Variants in PCDHGA12 observed in about 807,000 individuals in gnomAD.
PCDHGA12 encodes protocadherin gamma-A12.
Under a neutral mutation model 61.1 loss-of-function variants are expected in PCDHGA12, and 43 were observed. That is an observed-to-expected ratio of 0.70 (90% CI 0.55 to 0.91). The LOEUF (loss-of-function observed/expected upper bound fraction) is 0.91, where lower values mean the gene tolerates loss of function less well. Among genes scored for constraint, PCDHGA12 ranks in the 40% least tolerant of loss-of-function variants. The pLI is 0.00. For missense variants in PCDHGA12, 1,236 were observed against 1,227.7 expected, an observed-to-expected ratio of 1.01 and a Z score of -0.10; for synonymous variants, 520 against 542.9, an observed-to-expected ratio of 0.96 and a Z score of 0.59.
chr5:141,444,406 G>A (rs1296878411), intron 1 of PCDHGA12, among the ~76,000 whole-genome samples: 1 of 151,874 alleles, frequency 6.6e-6, no homozygotes, highest in Non-Finnish European at 1.5e-5. Context: ...CCCAACCTCA[G>A]GTGATCTTCC....
rs777115265 is a variant in PCDHGA12, at chr5:141,485,247, G to C, written c.2425-9560G>C. ...CTTTTGTTCCTCTTTTACCACCTGG[G>C]TTACGTTTGTGGGCAGATCCGCTAC... On this transcript the variant is annotated intron_variant, in intron 1 of 3. Coordinates refer to ENST00000252085, the MANE Select transcript of PCDHGA12 (RefSeq NM_003735.3). This position sits in a 1 kb window ranked among gnomAD's most constrained non-coding sequence, Gnocchi z 5.7. 8.7e-6 allele frequency: 14 copies of C among 1,614,156 alleles called. No homozygotes were observed. In the African/African-American group the frequency reaches 1.6e-4, roughly 18 times the overall value.
chr5:141,477,819 T>C lies in PCDHGA12; in HGVS notation c.2425-16988T>C. 1.9e-6 allele frequency: 3 copies of C among 1,614,138 alleles called. No individual in the cohort carries two copies. The highest frequency in any genetic ancestry group is 2.5e-6 in the Non-Finnish European group (3 of 1,180,030). On this transcript the variant is annotated intron_variant, in intron 1 of 3. Transcript: ENST00000252085. The surrounding 1 kb of genome is among the most constrained non-coding windows in gnomAD (Gnocchi z 4.9). ...CGCAATGACAATGCCCCCCAGGTCC[T>C]ATATCCTCGGCCAGGTGGGAGCTCG...
At position 141,478,208 on chromosome 5, in the gene PCDHGA12, C is replaced by G. The variant is rs200735608; in HGVS notation, c.2425-16599C>G. The G allele has an allele frequency of 2.5e-6, 4 of 1,614,096 alleles. No individual in the cohort carries two copies. The East Asian group carries it at 8.9e-5, about 36-fold the overall frequency. ...TCTCACCTTTTATCTACTTCTTTCTCTAATCCTGGTTTCTGTGGGGTTTGT... is the reference window on the plus strand; with the variant it reads ...TCTCACCTTTTATCTACTTCTTTCTGTAATCCTGGTTTCTGTGGGGTTTGT... On this transcript the variant is annotated intron_variant, in intron 1 of 3. Coordinates refer to ENST00000252085, the MANE Select transcript of PCDHGA12 (RefSeq NM_003735.3).
Position 141,489,784 on chromosome 5 carries a change from G to A in PCDHGA12, c.2425-5023G>A. 1 of 1,614,218 alleles carries A rather than the reference G, an allele frequency of 6.2e-7. No individual in the cohort carries two copies. Among genetic ancestry groups the A allele is most frequent in the Non-Finnish European group, 8.5e-7 (1 of 1,180,010 alleles). On this transcript the variant is annotated intron_variant, in intron 1 of 3. Transcript: ENST00000252085. This position sits in a 1 kb window ranked among gnomAD's most constrained non-coding sequence, Gnocchi z 4.5. ...CCCCAACAGCCACTTCTCTCTGAAT[G>A]TGAAGACCCTAAAAGATGGGAAGCC...
Position 141,476,017 on chromosome 5 carries a change from G to C in PCDHGA12, c.2425-18790G>C. The C allele has an allele frequency of 1.5e-6, 2 of 1,369,942 alleles. No individual in the cohort carries two copies. The highest frequency in any genetic ancestry group is 2.0e-6 in the Non-Finnish European group (2 of 1,015,658). The allele number at this position is 1,369,942 out of a possible 1,614,324, so 84.9% of individuals were successfully genotyped here. A position where few individuals can be genotyped will look rare whatever the true frequency, so the allele number is the denominator to read the frequency against. On this transcript the variant is annotated intron_variant, in intron 1 of 3. Coordinates refer to ENST00000252085, the MANE Select transcript of PCDHGA12 (RefSeq NM_003735.3). This position sits in a 1 kb window ranked among gnomAD's most constrained non-coding sequence, Gnocchi z 7.6. ...CAACGGCATCCAGAAAGCCATGTCG[G>C]ACTCGGCGCCCAGCGCCCAAGCGCT...
chr5:141,459,843 T>C (rs1328781794), intron 1 of PCDHGA12, among the ~76,000 whole-genome samples: 1 of 152,228 alleles, frequency 6.6e-6, no homozygotes, highest in African/African-American at 2.4e-5. Context: ...TGTCTATTTG[T>C]ATATCTTCTT....
At chr5:141,478,720 G>T (rs2154576937) in intron 1 of PCDHGA12, 1 of 1,543,694 alleles carries the variant, frequency 6.5e-7, no homozygotes, top group Admixed American at 2.0e-5. Context: ...ATGGTGGCCT[G>T]CCAGAGTGTG....
chr5:141,450,823 A>ATT (rs1453980247), intron 1 of PCDHGA12, among the ~76,000 whole-genome samples: 2 of 133,076 alleles, frequency 1.5e-5, no homozygotes, highest in East Asian at 2.2e-4. Flanking sequence ...TAATATTATT[A>ATT]TTATTATTTT....
At position 141,430,632 on chromosome 5, in the gene PCDHGA12, C is replaced by T; in HGVS notation, c.-128C>T. 1 of 852,604 alleles carries T rather than the reference C, an allele frequency of 1.2e-6. No individual in the cohort carries two copies. Among genetic ancestry groups the T allele is most frequent in the Non-Finnish European group, 1.7e-6 (1 of 577,572 alleles). The allele number at this position is 852,604 out of a possible 1,614,324, so 52.8% of individuals were successfully genotyped here. ...AAGCAGATAGCTAGGAATGAACCAT[C>T]CCTGGGAGTATGTGGAAACAACGGA... On this transcript the variant is annotated 5_prime_UTR_variant, in exon 1 of 4. Transcript: ENST00000252085.
At chr5:141,495,274 G>A (rs1396412578) in intron 2 of PCDHGA12, among the ~76,000 whole-genome samples, 1 of 152,190 alleles carries the variant, frequency 6.6e-6, no homozygotes, top group Non-Finnish European at 1.5e-5. Context: ...TTGACCGGAG[G>A]AGGCGGTCCG....
intron 1 of PCDHGA12, among the ~76,000 whole-genome samples, chr5:141,473,383 C>A (rs976400317): frequency 3.3e-5 from 5 of 152,200 alleles, no homozygotes; most frequent in African/African-American, 9.6e-5. Context: ...GGTCCCTGCC[C>A]TCCTGGAGCT....
At position 141,457,403 on chromosome 5, in the gene PCDHGA12, C is replaced by A. The variant is rs550748216; in HGVS notation, c.2424+24220C>A. On this transcript the variant is annotated intron_variant, in intron 1 of 3. Transcript: ENST00000252085. ...GAACTAGCATATTGATTCACATTTT[C>A]ACATTACCCATCCCTTTTTCCCCCC... Among the ~76,000 whole-genome samples, 4 of 152,328 alleles carry A rather than the reference C, an allele frequency of 2.6e-5. No homozygotes were observed. In the East Asian group the frequency reaches 7.7e-4, roughly 29 times the overall value.
At chr5:141,463,418 C>A (rs1442067485) in intron 1 of PCDHGA12, among the ~76,000 whole-genome samples, 3 of 138,240 alleles carry the variant, frequency 2.2e-5, no homozygotes, top group Admixed American at 7.4e-5. Context: ...TCCTAGTTTG[C>A]GGATCCTCAT....
chr5:141,494,996 C>A (rs2099758091), intron 2 of PCDHGA12, 131 bp downstream of exon 2: 2 of 1,539,742 alleles, frequency 1.3e-6, no homozygotes, highest in African/African-American at 1.4e-5. Context: ...CCAGGGAGGT[C>A]TTGGTGTGCG....
At chr5:141,445,046 G>A (rs181806844) in intron 1 of PCDHGA12, among the ~76,000 whole-genome samples, 1 of 152,248 alleles carries the variant, frequency 6.6e-6, no homozygotes, top group East Asian at 1.9e-4. Context: ...AGTTTTCAGT[G>A]TAGAGAGGTC....
chr5:141,469,112 A>T (rs1207790108), intron 1 of PCDHGA12, among the ~76,000 whole-genome samples: 1 of 151,698 alleles, frequency 6.6e-6, no homozygotes, highest in African/African-American at 2.4e-5. Flanking sequence ...ACCTGTCTCT[A>T]AAAAAATTTA....
chr5:141,496,621 C>A (rs1297797187), intron 2 of PCDHGA12, among the ~76,000 whole-genome samples: 1 of 152,214 alleles, frequency 6.6e-6, no homozygotes. Context: ...AGCAGCAGAT[C>A]AAAAGGCTTG....
Position 141,431,431 on chromosome 5 carries a change from C to T in PCDHGA12, c.672C>T (p.Gly224=), listed in dbSNP as rs776557037. ...ASDGGDPVRT[G]TARIRVMVLD... ...ACGGGGGCGACCCGGTGCGCACAGG[C>T]ACCGCGCGCATCCGCGTGATGGTTC... is the stretch of plus-strand genomic sequence containing the variant. Residue 224 remains glycine, a synonymous_variant, in exon 1 of 4, where the codon GGC becomes GGT. Transcript: ENST00000252085. This position sits in a 1 kb window ranked among gnomAD's most constrained non-coding sequence, Gnocchi z 4.8. 11 of 1,613,586 alleles carry T rather than the reference C, an allele frequency of 6.8e-6. No individual in the cohort carries two copies. The East Asian group carries it at 1.1e-4, about 16-fold the overall frequency.
intron 1 of PCDHGA12, among the ~76,000 whole-genome samples, chr5:141,454,773 G>A (rs1272535268): frequency 6.9e-6 from 1 of 144,540 alleles, no homozygotes; most frequent in East Asian, 2.0e-4. Flanking sequence ...TTTTTTACAA[G>A]GAAATAATCC....
Sources: allele counts gnomAD v4.1 joint callset (sites outside exome capture counted in the v4.1 genomes callset), GRCh38; gene constraint gnomAD v4.1.1; non-coding constraint Gnocchi (gnomAD v3.1); transcripts MANE v1.5; gene names NCBI Gene and HGNC (gene_info 2026-07-23, HGNC 2026-07-21).